Variants in TAGLN3 observed in about 807,000 individuals in gnomAD.
TAGLN3 encodes transgelin-3.
Under a neutral mutation model 25.4 loss-of-function variants are expected in TAGLN3, and 12 were observed. The ratio of observed to expected loss-of-function variants is 0.47; its 90% CI spans 0.30 to 0.77. TAGLN3 has a LOEUF of 0.77. Among genes scored for constraint, TAGLN3 ranks in the 30% least tolerant of loss-of-function variants. The pLI, the probability that TAGLN3 is intolerant of heterozygous loss-of-function variation, is 0.06. For synonymous variants in TAGLN3, 96 were observed against 94.8 expected (o/e 1.01, Z -0.08); for missense variants, 218 against 255.8 (o/e 0.85, Z 1.01).
At chr3:112,004,708 A>T (rs776649336) in intron 3 of TAGLN3, among the ~76,000 whole-genome samples, 3 of 152,238 alleles carry the variant, frequency 2.0e-5, no homozygotes, top group Non-Finnish European at 4.4e-5. Flanking sequence ...AGATAATAAA[A>T]GTTGGTAATG....
At chr3:112,010,085 G>A (rs1313601778) in intron 3 of TAGLN3, among the ~76,000 whole-genome samples, 1 of 151,964 alleles carries the variant, frequency 6.6e-6, no homozygotes, top group African/African-American at 2.4e-5. Context: ...AACTAAGTAG[G>A]GAACTAAGTG....
chr3:112,007,157 T>G (rs1280435845), intron 3 of TAGLN3, among the ~76,000 whole-genome samples: 1 of 152,178 alleles, frequency 6.6e-6, no homozygotes, highest in African/African-American at 2.4e-5. Context: ...ATTTTCCATA[T>G]GCCCTCTCTC....
chr3:111,999,649 C>G, intron 2 of TAGLN3, 47 bp downstream of exon 2: 1 of 1,589,650 alleles, frequency 6.3e-7, no homozygotes. Context: ...GGCAGGGAAA[C>G]CCTCCAGGGC....
chr3:112,009,744 T>C lies in TAGLN3; in HGVS notation c.356-2019T>C, dbSNP rs532604703. ...CTATAATTTACATCAAATATCTTGCTTTGGAAAGTTTCTTAAGGAAAAAAT... is the reference window on the plus strand; with the variant it reads ...CTATAATTTACATCAAATATCTTGCCTTGGAAAGTTTCTTAAGGAAAAAAT... On this transcript the variant is annotated intron_variant, in intron 3 of 4. Coordinates refer to ENST00000478951, the MANE Select transcript of TAGLN3 (RefSeq NM_001008272.2). Among the ~76,000 whole-genome samples the C allele has an allele frequency of 2.0e-5, 3 of 152,300 alleles. No homozygotes were observed. In the South Asian group the frequency reaches 6.2e-4, roughly 32 times the overall value.
At chr3:112,001,917 T>C (rs899165270) in intron 3 of TAGLN3, among the ~76,000 whole-genome samples, 1 of 152,236 alleles carries the variant, frequency 6.6e-6, no homozygotes, top group African/African-American at 2.4e-5. Context: ...AGGACCATTC[T>C]ACTACTCACC....
chr3:112,000,153 C>T (rs1301337586), intron 2 of TAGLN3, among the ~76,000 whole-genome samples: 1 of 152,192 alleles, frequency 6.6e-6, no homozygotes, highest in Non-Finnish European at 1.5e-5. Flanking sequence ...TTGAGGGCCG[C>T]AGGCTCTGTG....
chr3:112,011,386 G>A (rs1422507806), intron 3 of TAGLN3, among the ~76,000 whole-genome samples: 2 of 152,208 alleles, frequency 1.3e-5, no homozygotes, highest in Non-Finnish European at 2.9e-5. Context: ...TATCACTTGT[G>A]TCACATTGAG....
Position 112,013,476 on chromosome 3 carries a change from C to A in TAGLN3, c.525C>A (p.Gly175=). 6.2e-7 allele frequency: 1 copy of A among 1,614,230 alleles called. No individual in the cohort carries two copies. Among genetic ancestry groups the A allele is most frequent in the Non-Finnish European group, 8.5e-7 (1 of 1,180,036 alleles). ...TTCGCCAGGGACAGAACGTAATAGGCCTGCAGATGGGCAGCAACAAGGGAG... is the reference window on the plus strand; with the variant it reads ...TTCGCCAGGGACAGAACGTAATAGGACTGCAGATGGGCAGCAACAAGGGAG... ...EQLRQGQNVI[G]LQMGSNKGAS... Residue 175 remains glycine (G), a synonymous_variant, in exon 5 of 5, where the codon GGC becomes GGA. Transcript: ENST00000478951.
In TAGLN3 at chr3:112,013,618, T is replaced by G. The variant is rs762939781; in HGVS notation, c.*67T>G. ...CACCATGGTCTCTACGAAAAAGAAA[T>G]AGTTAGTCACCTTCTGACCTTCTCC... On this transcript the variant is annotated 3_prime_UTR_variant, in exon 5 of 5. Coordinates refer to ENST00000478951, the MANE Select transcript of TAGLN3 (RefSeq NM_001008272.2). 8 of 1,606,716 alleles carry G rather than the reference T, an allele frequency of 5.0e-6. No individual in the cohort carries two copies. The highest frequency in any genetic ancestry group is 6.8e-6 in the Non-Finnish European group (8 of 1,175,496).
rs1469137079 is a variant in TAGLN3, at chr3:111,999,528, C to G, written c.106C>G (p.Leu36Val). The change falls in exon 2 of 5, where the codon CTG (leucine) becomes GTG (valine). Residue 36 changes from leucine to valine, a missense_variant. Coordinates refer to ENST00000478951, the MANE Select transcript of TAGLN3 (RefSeq NM_001008272.2). ...LENKLVDWII[L>V]QCAEDIEHPP... is the part of the protein sequence containing the mutation. The stretch of plus-strand genomic sequence containing the variant: ...GAACAAGCTGGTGGACTGGATCATC[C>G]TGCAGTGCGCCGAGGACATAGAGCA... The G allele has an allele frequency of 1.2e-6, 2 of 1,614,108 alleles. No homozygotes were observed. Among genetic ancestry groups the G allele is most frequent in the Non-Finnish European group, 1.7e-6 (2 of 1,180,052 alleles).
At chr3:112,002,684 A>T (rs868034519) in intron 3 of TAGLN3, among the ~76,000 whole-genome samples, 22 of 143,676 alleles carry the variant, frequency 1.5e-4, no homozygotes, top group Admixed American at 3.5e-4. Context: ...GTGTGGGAGG[A>T]GGAAGAAGCC....
rs549621147 is a variant in TAGLN3 at position 112,001,640 on chromosome 3, A to G, written c.355+694A>G. 5.9e-5 allele frequency among the ~76,000 whole-genome samples: 9 copies of G among 152,350 alleles called. No homozygotes were observed. The East Asian group carries it at 1.7e-3, about 29-fold the overall frequency. Reference sequence around the variant, plus strand: ...AATGTCCCCTTTAGCGAAAATGTGTATACCCAACCATATGACTGTGTTCCT... The same window carrying G: ...AATGTCCCCTTTAGCGAAAATGTGTGTACCCAACCATATGACTGTGTTCCT... On this transcript the variant is annotated intron_variant, in intron 3 of 4. Coordinates refer to ENST00000478951, the MANE Select transcript of TAGLN3 (RefSeq NM_001008272.2).
chr3:112,013,076 TC>T (rs1292291237), intron 4 of TAGLN3, among the ~76,000 whole-genome samples: 1 of 152,008 alleles, frequency 6.6e-6, no homozygotes, highest in East Asian at 1.9e-4. Flanking sequence ...GAGAGTGAAT[TC>T]CCCAGAGAGG....
chr3:112,004,081 C>T (rs2072891122), intron 3 of TAGLN3, among the ~76,000 whole-genome samples: 1 of 152,194 alleles, frequency 6.6e-6, no homozygotes, highest in African/African-American at 2.4e-5. Flanking sequence ...ATCACAGGGA[C>T]ATTATAGATA....
At chr3:112,000,381 T>C (rs1027272119) in intron 2 of TAGLN3, 2 of 163,592 alleles carry the variant, frequency 1.2e-5, no homozygotes, top group Admixed American at 6.2e-5. Flanking sequence ...TTAGACTCTA[T>C]CATTTGAGCT....
chr3:112,008,361 C>T (rs183357527), intron 3 of TAGLN3, among the ~76,000 whole-genome samples: 16 of 152,298 alleles, frequency 1.1e-4, no homozygotes, highest in Admixed American at 8.5e-4. Flanking sequence ...GTTGCCCAGG[C>T]TGGAGTGCAG....
At chr3:112,011,710 G>A (rs762049053) in intron 3 of TAGLN3, 53 bp from the exon 4 acceptor site, 9 of 1,536,280 alleles carry the variant, frequency 5.9e-6, no homozygotes, top group East Asian at 2.3e-5. Context: ...TATCCTTCCA[G>A]CATTCCTTGG....
intron 3 of TAGLN3, among the ~76,000 whole-genome samples, chr3:112,004,911 G>A (rs763873536): frequency 1.9e-4 from 29 of 152,266 alleles, no homozygotes; most frequent in South Asian, 8.3e-4. Context: ...TGTGGAGCTT[G>A]TACCTCATCA....
chr3:112,001,000 TCTC>T lies in TAGLN3; in HGVS notation c.355+57_355+59del. On this transcript the variant is annotated intron_variant, in intron 3 of 4. Coordinates refer to ENST00000478951, the MANE Select transcript of TAGLN3 (RefSeq NM_001008272.2). ...TTCTTTTCTTCTCTCCTTTGCCCCA[TCTC>T]CTTGTAAAAACTGCTCACAGTGTTC... The T allele has an allele frequency of 1.9e-6, 3 of 1,541,558 alleles. No homozygotes were observed. The Admixed American group carries it at 5.1e-5, about 26-fold the overall frequency.
Sources: allele counts gnomAD v4.1 joint callset (sites outside exome capture counted in the v4.1 genomes callset), GRCh38; gene constraint gnomAD v4.1.1; transcripts MANE v1.5; gene names NCBI Gene and HGNC (gene_info 2026-07-23, HGNC 2026-07-21).